The following PTPN11 variants were observed in gnomAD, a reference collection of about 807,000 sequenced individuals.
PTPN11 encodes protein tyrosine phosphatase non-receptor type 11, also known as tyrosine-protein phosphatase non-receptor type 11.
A neutral mutation model predicts 78.8 loss-of-function variants in PTPN11; 6 were observed. That is an observed-to-expected ratio of 0.08 (90% confidence interval 0.04 to 0.15). The LOEUF is 0.15. Ranked by LOEUF, PTPN11 falls within the 10% of genes least tolerant of loss-of-function variation. PTPN11 has a pLI of 1.00. For missense variants in PTPN11, 386 were observed against 744.8 expected (o/e 0.52, Z 5.61); for synonymous variants, 221 against 263.5 (o/e 0.84, Z 1.56).
chr12:112,482,991 C>T lies in PTPN11; in HGVS notation c.1224+786C>T, dbSNP rs1043636024. ...ATATTTGTTCAATGACCTCTTGGTT[C>T]CTGGCACCATGCTGCTTGCTGGAGA... On this transcript the variant is annotated intron_variant, in intron 10 of 15. Coordinates refer to ENST00000351677, the MANE Select transcript of PTPN11 (RefSeq NM_002834.5). The surrounding 1 kb of genome is among the most constrained non-coding windows in gnomAD (Gnocchi z 4.4). 2.6e-5 allele frequency among the ~76,000 whole-genome samples: 4 copies of T among 152,236 alleles called. No homozygotes were observed. Among genetic ancestry groups the T allele is most frequent in the Admixed American group, 6.5e-5 (1 of 15,290 alleles).
At chr12:112,425,048 C>T (rs890835467) in intron 1 of PTPN11, among the ~76,000 whole-genome samples, 1 of 150,326 alleles carries the variant, frequency 6.7e-6, no homozygotes, top group Non-Finnish European at 1.5e-5. Context: ...CCAGGCTGGT[C>T]TCAAAATGTT....
Position 112,504,880 on chromosome 12 carries a change from T to C in PTPN11, c.*32+84T>C. On this transcript the variant is annotated intron_variant, in intron 15 of 15. Coordinates refer to ENST00000351677, the MANE Select transcript of PTPN11 (RefSeq NM_002834.5). This position sits in a 1 kb window ranked among gnomAD's most constrained non-coding sequence, Gnocchi z 4.7. Reference sequence around the variant, plus strand: ...GCAGGCAAGCAATTTGGGAATGTTTTAGCAAAGTGTACCATAATTGAGTTT... The same window carrying C: ...GCAGGCAAGCAATTTGGGAATGTTTCAGCAAAGTGTACCATAATTGAGTTT... 1 of 868,000 alleles carries C rather than the reference T, an allele frequency of 1.2e-6. No homozygotes were observed. The highest frequency in any genetic ancestry group is 1.5e-5 in the South Asian group (1 of 66,562). The allele number at this position is 868,000 out of a possible 1,614,324, so 53.8% of individuals were successfully genotyped here.
rs543647156 is a variant in PTPN11 at position 112,429,955 on chromosome 12, C to G, written c.14+10830C>G. ...GTCTGCTTTGCACACAGGCATGTGG[C>G]AAACATTCAGTAAGTATAGCTGTAA... On this transcript the variant is annotated intron_variant, in intron 1 of 15. Coordinates refer to ENST00000351677, the MANE Select transcript of PTPN11 (RefSeq NM_002834.5). Among the ~76,000 whole-genome samples, 6 of 152,282 alleles carry G rather than the reference C, an allele frequency of 3.9e-5. No homozygotes were observed. The East Asian group carries it at 1.2e-3, about 29-fold the overall frequency.
intron 7 of PTPN11, among the ~76,000 whole-genome samples, chr12:112,476,904 C>T (rs532923342): frequency 6.4e-4 from 98 of 152,294 alleles, no homozygotes; most frequent in African/African-American, 2.1e-3. Flanking sequence ...AACTCATGCC[C>T]AGTCTTGGTT....
intron 1 of PTPN11, among the ~76,000 whole-genome samples, chr12:112,420,219 A>G (rs918447963): frequency 3.3e-5 from 5 of 152,332 alleles, no homozygotes; most frequent in East Asian, 1.9e-4. Flanking sequence ...TAGTCACTCT[A>G]TATACCACTC....
At chr12:112,442,514 C>T (rs566444296) in intron 1 of PTPN11, among the ~76,000 whole-genome samples, 30 of 151,496 alleles carry the variant, frequency 2.0e-4, no homozygotes, top group Admixed American at 1.5e-3. Flanking sequence ...GTGCAGTGAG[C>T]GATCTTGGCT....
At chr12:112,492,776 CA>C (rs1362735266) in intron 13 of PTPN11, among the ~76,000 whole-genome samples, 2 of 152,238 alleles carry the variant, frequency 1.3e-5, no homozygotes, top group Non-Finnish European at 2.9e-5. Flanking sequence ...CTTGGCCTCC[CA>C]AAGTGCTGGG....
chr12:112,454,704 C>G (rs2135870052), intron 5 of PTPN11, 24 bp downstream of exon 5: 1 of 1,553,168 alleles, frequency 6.4e-7, no homozygotes, highest in Non-Finnish European at 8.9e-7. Flanking sequence ...AAAGCTCAAG[C>G]TTTCTCCTTA....
chr12:112,460,106 C>T (rs2038226244), intron 6 of PTPN11, among the ~76,000 whole-genome samples: 1 of 152,102 alleles, frequency 6.6e-6, no homozygotes, highest in Non-Finnish European at 1.5e-5. Context: ...CACCACCTCA[C>T]CTGGCTAGTT....
Position 112,508,736 on chromosome 12 carries a change from C to T in PTPN11, c.*2944C>T, listed in dbSNP as rs1266797870. On this transcript the variant is annotated 3_prime_UTR_variant, in exon 16 of 16. Coordinates refer to ENST00000351677, the MANE Select transcript of PTPN11 (RefSeq NM_002834.5). ...ACTTTTTTTAAAAAAAACTAAAAGG[C>T]GCTTCATGTCCAGTGTGTGGCCCTT... The T allele has an allele frequency of 1.3e-5, 2 of 151,990 alleles. No individual in the cohort carries two copies. The highest frequency in any genetic ancestry group is 2.4e-5 in the African/African-American group (1 of 41,376). The allele number at this position is 151,990 out of a possible 1,614,324, so 9.4% of individuals were successfully genotyped here.
chr12:112,493,146 C>T (rs1191961627), intron 13 of PTPN11, among the ~76,000 whole-genome samples: 1 of 151,676 alleles, frequency 6.6e-6, no homozygotes, highest in Non-Finnish European at 1.5e-5. Context: ...ACAACCTCCA[C>T]CTCCCAGGTT....
At chr12:112,466,647 C>T (rs183580852) in intron 6 of PTPN11, among the ~76,000 whole-genome samples, 256 of 152,256 alleles carry the variant, frequency 1.7e-3, no homozygotes, top group Admixed American at 2.7e-3. Flanking sequence ...CCATGGCCCC[C>T]AGCCGTATCT....
intron 1 of PTPN11, among the ~76,000 whole-genome samples, chr12:112,442,875 T>TATATATATATAA (rs2037927324): frequency 1.3e-5 from 1 of 74,890 alleles, no homozygotes; most frequent in Non-Finnish European, 2.5e-5. Context: ...TATATATATA[T>TATATATATATAA]ATAAATTATA....
intron 6 of PTPN11, among the ~76,000 whole-genome samples, chr12:112,470,512 G>A (rs765195439): frequency 1.3e-5 from 2 of 152,200 alleles, no homozygotes; most frequent in Non-Finnish European, 2.9e-5. Context: ...TCAGAGACTA[G>A]AAGGCCTTGT....
intron 1 of PTPN11, among the ~76,000 whole-genome samples, chr12:112,441,249 C>T (rs561688521): frequency 6.6e-6 from 1 of 151,528 alleles, no homozygotes; most frequent in East Asian, 2.0e-4. Context: ...CAAGCATGAG[C>T]CACCTTGCCC....
At chr12:112,444,352 T>C (rs1263101530) in intron 1 of PTPN11, among the ~76,000 whole-genome samples, 1 of 152,078 alleles carries the variant, frequency 6.6e-6, no homozygotes, top group African/African-American at 2.4e-5. Context: ...TTTTTTTTTT[T>C]CTTTTTTGAG....
intron 10 of PTPN11, 91 bp from the exon 11 acceptor site, chr12:112,486,384 T>A: frequency 7.6e-7 from 1 of 1,318,092 alleles, no homozygotes; most frequent in Non-Finnish European, 1.1e-6. Context: ...TCTCTTCCTC[T>A]CCATTGGATT....
chr12:112,447,712 C>T (rs1201984521), intron 2 of PTPN11, among the ~76,000 whole-genome samples: 2 of 151,332 alleles, frequency 1.3e-5, no homozygotes, highest in Non-Finnish European at 1.5e-5. Context: ...GTCGACCAGG[C>T]TGGTCTCAAA....
rs149326601 is a variant in PTPN11, at chr12:112,473,356, T to C, written c.853+316T>C. 1.6e-4 allele frequency among the ~76,000 whole-genome samples: 25 copies of C among 152,246 alleles called. No individual in the cohort carries two copies. The East Asian group carries it at 4.2e-3, about 26-fold the overall frequency. On this transcript the variant is annotated intron_variant, in intron 7 of 15. Coordinates refer to ENST00000351677, the MANE Select transcript of PTPN11 (RefSeq NM_002834.5). Reference sequence around the variant, plus strand: ...TGGGATCTCTCAGTGTCAGGGACCTTAGGGTGCCAGATTTGTGTCTTGACT... The same window carrying C: ...TGGGATCTCTCAGTGTCAGGGACCTCAGGGTGCCAGATTTGTGTCTTGACT...
Sources: gnomAD v4.1 joint callset for allele counts (sites outside exome capture counted in the v4.1 genomes callset) on GRCh38, gnomAD v4.1.1 for gene constraint, Gnocchi (gnomAD v3.1) non-coding constraint, MANE v1.5 for transcripts, NCBI Gene and HGNC (gene_info 2026-07-23, HGNC 2026-07-21) for gene names.